NCOA1: variants seen among roughly 807,000 people sequenced by gnomAD.
The protein encoded by NCOA1 is Hin-2 protein.
A neutral mutation model predicts 150.9 loss-of-function variants in NCOA1; 35 were observed. That is an observed-to-expected ratio of 0.23 (90% CI 0.18 to 0.31). NCOA1 has a LOEUF of 0.31. Ranked by LOEUF, NCOA1 falls within the 10% of genes least tolerant of loss-of-function variation. The probability of loss-of-function intolerance (pLI) is 1.00; values close to 1 mark genes in which losing one functional copy is unlikely to be tolerated. For synonymous variants in NCOA1, 590 were observed against 630.0 expected, an observed-to-expected ratio of 0.94 and a Z score of 0.95; for missense variants, 1,491 against 1,749.3, an observed-to-expected ratio of 0.85 and a Z score of 2.63.
Position 24,693,311 on chromosome 2 carries a change from G to A in NCOA1, c.772G>A (p.Gly258Ser), listed in dbSNP as rs1202846278. ...ATTACCTCGGCCTCCAGCTATTACG[G>A]GTGTAGAATCCTTTATGACCAAGCA... ...RRLPRPPAIT[G>S]VESFMTKQDT... Residue 258 changes from glycine to serine, a missense_variant, in exon 10 of 23, where the codon GGT (glycine) becomes AGT (serine). Transcript: ENST00000348332. 6.2e-7 allele frequency: 1 copy of A among 1,614,086 alleles called. No individual in the cohort carries two copies. The highest frequency in any genetic ancestry group is 1.3e-5 in the African/African-American group (1 of 75,010).
intron 1 of NCOA1, among the ~76,000 whole-genome samples, chr2:24,514,405 A>G (rs1423278037): frequency 1.3e-5 from 2 of 152,092 alleles, no homozygotes; most frequent in African/African-American, 4.8e-5. Flanking sequence ...ATATTACTCG[A>G]TTAAGCTCTA....
At chr2:24,601,074 A>T (rs1303998358) in intron 3 of NCOA1, among the ~76,000 whole-genome samples, 1 of 152,172 alleles carries the variant, frequency 6.6e-6, no homozygotes, top group Admixed American at 6.5e-5. Context: ...CATGCAATTT[A>T]CATGGGAAGC....
chr2:24,673,131 A>G (rs1478919783), intron 6 of NCOA1, among the ~76,000 whole-genome samples: 1 of 152,224 alleles, frequency 6.6e-6, no homozygotes. Context: ...GTAGTATTCA[A>G]ATGTTCATGC....
At chr2:24,563,019 C>G (rs539842371) in intron 1 of NCOA1, among the ~76,000 whole-genome samples, 1 of 152,300 alleles carries the variant, frequency 6.6e-6, no homozygotes, top group East Asian at 1.9e-4. Context: ...CTGCCTTATC[C>G]TTCGCTCTAA....
chr2:24,507,221 G>A (rs1663736888), intron 1 of NCOA1, among the ~76,000 whole-genome samples: 1 of 152,142 alleles, frequency 6.6e-6, no homozygotes, highest in Admixed American at 6.5e-5. Context: ...TATGGGCTCT[G>A]GAGCCAGATT....
At chr2:24,759,980 A>G (rs1242468909) in intron 21 of NCOA1, among the ~76,000 whole-genome samples, 4 of 151,802 alleles carry the variant, frequency 2.6e-5, no homozygotes, top group African/African-American at 9.7e-5. Context: ...TAAATTAATT[A>G]TAAACTATAA....
chr2:24,519,353 G>T (rs1664329519), intron 1 of NCOA1, among the ~76,000 whole-genome samples: 2 of 152,126 alleles, frequency 1.3e-5, no homozygotes, highest in South Asian at 4.1e-4. Flanking sequence ...AGATAGGTTA[G>T]TTGGTTGCTT....
At chr2:24,623,112 A>T (rs1244323603) in intron 3 of NCOA1, among the ~76,000 whole-genome samples, 1 of 152,236 alleles carries the variant, frequency 6.6e-6, no homozygotes, top group African/African-American at 2.4e-5. Flanking sequence ...CTTTTCTTGG[A>T]ATATGTCTGA....
chr2:24,569,070 A>G (rs1401497410), intron 2 of NCOA1, among the ~76,000 whole-genome samples: 3 of 150,850 alleles, frequency 2.0e-5, no homozygotes, highest in African/African-American at 7.5e-5. Context: ...TTGCAGCAGG[A>G]TATCAATTCA....
At chr2:24,732,338 G>T (rs1020603679) in intron 17 of NCOA1, among the ~76,000 whole-genome samples, 1 of 152,104 alleles carries the variant, frequency 6.6e-6, no homozygotes, top group African/African-American at 2.4e-5. Flanking sequence ...ACAGAATTTG[G>T]GGCTCACCAT....
At chr2:24,610,121 A>G (rs962389217) in intron 3 of NCOA1, among the ~76,000 whole-genome samples, 14 of 111,940 alleles carry the variant, frequency 1.3e-4, no homozygotes, top group African/African-American at 4.4e-4. Flanking sequence ...TATAGGCTGC[A>G]TTCTTTTTTT....
chr2:24,574,900 G>A (rs908899993), intron 2 of NCOA1, among the ~76,000 whole-genome samples: 1 of 151,922 alleles, frequency 6.6e-6, no homozygotes, highest in African/African-American at 2.4e-5. Context: ...TCTTCTGGCA[G>A]TCTTTAACAT....
chr2:24,611,354 C>T (rs1274298010), intron 3 of NCOA1, among the ~76,000 whole-genome samples: 1 of 152,254 alleles, frequency 6.6e-6, no homozygotes, highest in African/African-American at 2.4e-5. Flanking sequence ...TACTGTTGGG[C>T]ATCTAGGTTG....
chr2:24,723,186 A>G (rs1674444430), intron 14 of NCOA1, among the ~76,000 whole-genome samples: 1 of 152,164 alleles, frequency 6.6e-6, no homozygotes, highest in Non-Finnish European at 1.5e-5. Flanking sequence ...TTCCCTTTTT[A>G]AAATACAAAT....
chr2:24,513,280 A>G (rs1340191722), intron 1 of NCOA1, among the ~76,000 whole-genome samples: 1 of 152,206 alleles, frequency 6.6e-6, no homozygotes, highest in Non-Finnish European at 1.5e-5. Flanking sequence ...TACCCCTTCC[A>G]CATTCCCCAG....
chr2:24,712,367 C>T (rs1368974223), intron 14 of NCOA1, among the ~76,000 whole-genome samples: 3 of 152,092 alleles, frequency 2.0e-5, no homozygotes, highest in Admixed American at 2.0e-4. Flanking sequence ...TATCTCCTTC[C>T]CCATCCAATA....
intron 16 of NCOA1, among the ~76,000 whole-genome samples, chr2:24,729,228 A>G (rs1662865658): frequency 6.6e-6 from 1 of 152,212 alleles, no homozygotes; most frequent in Admixed American, 6.5e-5. Flanking sequence ...AGGCTTTGCA[A>G]TGAAGTTTTT....
At chr2:24,697,858 T>C in intron 11 of NCOA1, 60 bp downstream of exon 11, 2 of 1,505,578 alleles carry the variant, frequency 1.3e-6, no homozygotes, top group Non-Finnish European at 1.8e-6. Context: ...ATTTGAATAG[T>C]TCGTATAGAA....
At position 24,694,522 on chromosome 2, in the gene NCOA1, A is replaced by G. The variant is rs958956843; in HGVS notation, c.808+1175A>G. Among the ~76,000 whole-genome samples, 3 of 152,122 alleles carry G rather than the reference A, an allele frequency of 2.0e-5. No individual in the cohort carries two copies. The East Asian group carries it at 5.8e-4, about 29-fold the overall frequency. On this transcript the variant is annotated intron_variant, in intron 10 of 22. Coordinates refer to ENST00000348332, the MANE Select transcript of NCOA1 (RefSeq NM_003743.5). ...TTTAGTGCCAATAATCTAATATTCT[A>G]ATGTTGTATACTTTGTGCTTGTGTT...
Sources: allele counts gnomAD v4.1 joint callset (sites outside exome capture counted in the v4.1 genomes callset), GRCh38; gene constraint gnomAD v4.1.1; transcripts MANE v1.5; gene names NCBI Gene and HGNC (gene_info 2026-07-23, HGNC 2026-07-21).